The following SNRNP200 variants were observed in gnomAD, a reference collection of about 807,000 sequenced individuals.
SNRNP200 encodes the protein U5 small nuclear ribonucleoprotein 200 kDa helicase.
SNRNP200 carries 66 observed loss-of-function variants against 255.2 expected under a neutral mutation model. The ratio of observed to expected loss-of-function variants is 0.26; its 90% CI spans 0.21 to 0.32. The LOEUF is 0.32. SNRNP200 is among the 10% of genes least tolerant of loss of function. The pLI is 1.00. For synonymous variants in SNRNP200, 939 were observed against 1,027.8 expected (o/e 0.91, Z 1.65); for missense variants, 1,585 against 2,749.8 (o/e 0.58, Z 9.47).
intron 9 of SNRNP200, among the ~76,000 whole-genome samples, 174 bp from the exon 10 acceptor site, chr2:96,297,894 C>T (rs1207030926): frequency 6.6e-6 from 1 of 152,228 alleles, no homozygotes; most frequent in East Asian, 1.9e-4. Flanking sequence ...CAAACAAACA[C>T]TTTTAAAGGG....
rs371511825 is a variant in SNRNP200 at position 96,286,425 on chromosome 2, G to T, written c.3889C>A (p.Pro1297Thr). 9 of 1,614,182 alleles carry T rather than the reference G, an allele frequency of 5.6e-6. No individual in the cohort carries two copies. The highest frequency in any genetic ancestry group is 1.6e-4 in the Middle Eastern group (1 of 6,062). The change falls in exon 29 of 45, where the codon CCT becomes ACT. Residue 1297 changes from proline (P) to threonine (T), a missense_variant. Pro to Thr is a conservative substitution (Grantham distance 38). Around this residue, in one of 9 missense-constraint regions of SNRNP200, gnomAD observed 719 missense variants for 1,091.1 expected, o/e 0.66. Transcript: ENST00000323853. This position sits in a 1 kb window ranked among gnomAD's most constrained non-coding sequence, Gnocchi z 4.8. ...RHLILPEKYP[P>T]PTELLDLQPL... ...TGCAGGTCCAAAAGTTCGGTTGGAG[G>T]GGGGTACTTCTCCGGCAAGATCAGG... is the stretch of plus-strand genomic sequence containing the variant.
chr2:96,277,317 T>C lies in SNRNP200; in HGVS notation c.5932-76A>G. ...AATGACACAGGCAGCAAAGAGCTACTAATTTTACCTCCTACACTATCAAGT... is the reference window on the plus strand; with the variant it reads ...AATGACACAGGCAGCAAAGAGCTACCAATTTTACCTCCTACACTATCAAGT... On this transcript the variant is annotated intron_variant, in intron 41 of 44. Coordinates refer to ENST00000323853, the MANE Select transcript of SNRNP200 (RefSeq NM_014014.5). This position sits in a 1 kb window ranked among gnomAD's most constrained non-coding sequence, Gnocchi z 4.4. 1 of 1,489,312 alleles carries C rather than the reference T, an allele frequency of 6.7e-7. No individual in the cohort carries two copies. The highest frequency in any genetic ancestry group is 9.4e-7 in the Non-Finnish European group (1 of 1,067,442). 92.3% of individuals were successfully genotyped at this position (1,489,312 alleles called of 1,614,324 possible). A position where few individuals can be genotyped will look rare whatever the true frequency, so the allele number is the denominator to read the frequency against.
chr2:96,304,938 A>G, intron 1 of SNRNP200, 70 bp from the exon 2 acceptor site: 1 of 1,549,502 alleles, frequency 6.5e-7, no homozygotes, highest in Non-Finnish European at 8.8e-7. Flanking sequence ...TAGTTACCCC[A>G]GCTGATGGAA....
At chr2:96,295,769 G>A in intron 13 of SNRNP200, 111 bp from the exon 14 acceptor site, 1 of 1,098,804 alleles carries the variant, frequency 9.1e-7, no homozygotes, top group Non-Finnish European at 1.3e-6. Context: ...CAACCCATCA[G>A]GTGAATACAA....
chr2:96,287,114 A>G lies in SNRNP200; in HGVS notation c.3531T>C (p.Tyr1177=), dbSNP rs780756566. 8.7e-6 allele frequency: 14 copies of G among 1,614,148 alleles called. No homozygotes were observed. Among genetic ancestry groups the G allele is most frequent in the South Asian group, 6.6e-5 (6 of 91,090 alleles). Residue 1177 remains tyrosine (Y), a synonymous_variant, in exon 27 of 45, where the codon TAT becomes TAC. Transcript: ENST00000323853. This position sits in a 1 kb window ranked among gnomAD's most constrained non-coding sequence, Gnocchi z 5.7. The stretch of plus-strand genomic sequence containing the variant: ...ACTCCAACTTGGGAAACAGATGGAC[A>G]TATTTGTGGATGGTCTTCCCCATCT... The part of the protein sequence containing the change: ...MPKMGKTIHK[Y]VHLFPKLELS...
chr2:96,300,410 T>C lies in SNRNP200; in HGVS notation c.630+588A>G, dbSNP rs550136873. Reference sequence around the variant, plus strand: ...AGCAGATACATTCTCAATGAAAGTATACACTGTACTTTAACTTTTTTCTTT... The same window carrying C: ...AGCAGATACATTCTCAATGAAAGTACACACTGTACTTTAACTTTTTTCTTT... On this transcript the variant is annotated intron_variant, in intron 5 of 44. Coordinates refer to ENST00000323853, the MANE Select transcript of SNRNP200 (RefSeq NM_014014.5). 1.1e-4 allele frequency among the ~76,000 whole-genome samples: 16 copies of C among 152,326 alleles called. 1 individual carries two copies. In the South Asian group the frequency reaches 3.1e-3, roughly 30 times the overall value.
rs767137919 is a variant in SNRNP200 at position 96,291,089 on chromosome 2, C to A, written c.2422-274G>T. 2.6e-5 allele frequency among the ~76,000 whole-genome samples: 4 copies of A among 152,106 alleles called. No homozygotes were observed. The highest frequency in any genetic ancestry group is 4.4e-5 in the Non-Finnish European group (3 of 68,020). The stretch of plus-strand genomic sequence containing the variant: ...AGTTACTAGAAAAGGTAAAACAGAG[C>A]CTATCCGGAAAGAGGGAACGACAAG... On this transcript the variant is annotated intron_variant, in intron 18 of 44. Transcript: ENST00000323853. The surrounding 1 kb of genome is among the most constrained non-coding windows in gnomAD (Gnocchi z 4.2).
intron 14 of SNRNP200, among the ~76,000 whole-genome samples, chr2:96,294,526 G>A (rs1300710779): frequency 2.0e-5 from 3 of 152,004 alleles, no homozygotes; most frequent in Non-Finnish European, 4.4e-5. Flanking sequence ...GCAGCCAAAA[G>A]CAGCTGTAAA....
intron 35 of SNRNP200, 90 bp from the exon 36 acceptor site, chr2:96,279,649 A>T: frequency 1.3e-6 from 1 of 774,288 alleles, no homozygotes; most frequent in Non-Finnish European, 2.2e-6. Flanking sequence ...AGTAAGAGTA[A>T]AATGTTAATA....
Position 96,290,633 on chromosome 2 carries a change from T to C in SNRNP200, c.2553+51A>G, listed in dbSNP as rs761724736. 1.2e-6 allele frequency: 2 copies of C among 1,613,396 alleles called. No homozygotes were observed. Among genetic ancestry groups the C allele is most frequent in the Non-Finnish European group, 1.7e-6 (2 of 1,179,344 alleles). On this transcript the variant is annotated intron_variant, in intron 19 of 44. Coordinates refer to ENST00000323853, the MANE Select transcript of SNRNP200 (RefSeq NM_014014.5). This position sits in a 1 kb window ranked among gnomAD's most constrained non-coding sequence, Gnocchi z 4.5. ...GCTAGCTTTCCAGCATCCCTGCATT[T>C]CAGGCAAGGATACTGATCCCTGCTG...
chr2:96,289,990 C>A lies in SNRNP200; in HGVS notation c.2749G>T (p.Val917Leu), dbSNP rs2063874357. 2 of 1,614,158 alleles carry A rather than the reference C, an allele frequency of 1.2e-6. No individual in the cohort carries two copies. Among genetic ancestry groups the A allele is most frequent in the Non-Finnish European group, 1.7e-6 (2 of 1,180,016 alleles). Reference protein sequence around the residue: ...LGNVQNAKDAVNWLGYAYLYI... With the variant: ...LGNVQNAKDALNWLGYAYLYI... ...AGGTAGGCATAGCCCAGCCAGTTCA[C>A]CGCATCCTACAAGACACAGCTCATG... Residue 917 changes from valine to leucine, a missense_variant, in exon 21 of 45, where the codon GTG (valine) becomes TTG (leucine). Transcript: ENST00000323853.
At position 96,291,600 on chromosome 2, in the gene SNRNP200, T is replaced by C. The variant is rs1403403461; in HGVS notation, c.2311-98A>G. ...CCATGAGACCCTGCCCCTTAACTAT[T>C]ATGTGGAATAGTAATAATCACATCC... On this transcript the variant is annotated intron_variant, in intron 17 of 44. Transcript: ENST00000323853. The surrounding 1 kb of genome is among the most constrained non-coding windows in gnomAD (Gnocchi z 4.2). The C allele has an allele frequency of 3.2e-6, 4 of 1,236,318 alleles. No homozygotes were observed. The highest frequency in any genetic ancestry group is 4.8e-6 in the Non-Finnish European group (4 of 840,310). 76.6% of individuals were successfully genotyped at this position (1,236,318 alleles called of 1,614,324 possible). A position where few individuals can be genotyped will look rare whatever the true frequency, so the allele number is the denominator to read the frequency against.
chr2:96,275,660 T>G (rs1313634322), intron 43 of SNRNP200, among the ~76,000 whole-genome samples: 1 of 152,156 alleles, frequency 6.6e-6, no homozygotes, highest in Non-Finnish European at 1.5e-5. Flanking sequence ...GCCTAGGAGC[T>G]TTGAGTTCCT....
intron 2 of SNRNP200, among the ~76,000 whole-genome samples, chr2:96,303,782 CA>C (rs2063969429): frequency 6.6e-6 from 1 of 151,376 alleles, no homozygotes; most frequent in South Asian, 2.1e-4. Flanking sequence ...CCCAGCTACT[CA>C]GGAGGCTGAG....
At position 96,290,235 on chromosome 2, in the gene SNRNP200, G is replaced by T; in HGVS notation, c.2742+91C>A. On this transcript the variant is annotated intron_variant, in intron 20 of 44. Coordinates refer to ENST00000323853, the MANE Select transcript of SNRNP200 (RefSeq NM_014014.5). This position sits in a 1 kb window ranked among gnomAD's most constrained non-coding sequence, Gnocchi z 4.5. ...GCAGGGATGGAAGGCCTCGGACGCT[G>T]CTGGCCCGCAGCACAATAGGGACCG... 1 of 1,405,790 alleles carries T rather than the reference G, an allele frequency of 7.1e-7. No homozygotes were observed. Among genetic ancestry groups the T allele is most frequent in the Non-Finnish European group, 1.0e-6 (1 of 992,354 alleles). The allele number at this position is 1,405,790 out of a possible 1,614,324, so 87.1% of individuals were successfully genotyped here. A position where few individuals can be genotyped will look rare whatever the true frequency, so the allele number is the denominator to read the frequency against.
chr2:96,286,651 G>A lies in SNRNP200; in HGVS notation c.3829+37C>T, dbSNP rs751615210. 6.2e-7 allele frequency: 1 copy of A among 1,608,844 alleles called. No individual in the cohort carries two copies. The highest frequency in any genetic ancestry group is 1.7e-5 in the Admixed American group (1 of 59,992). ...AGACATTCTTCTACTGTCCTTGGAG[G>A]GACTGTTCCTGGGGACTCTGGAGAG... On this transcript the variant is annotated intron_variant, in intron 28 of 44. Transcript: ENST00000323853. The surrounding 1 kb of genome is among the most constrained non-coding windows in gnomAD (Gnocchi z 4.8).
chr2:96,277,343 C>T lies in SNRNP200; in HGVS notation c.5932-102G>A. The T allele has an allele frequency of 7.3e-7, 1 of 1,369,032 alleles. No individual in the cohort carries two copies. The allele number at this position is 1,369,032 out of a possible 1,614,324, so 84.8% of individuals were successfully genotyped here. On this transcript the variant is annotated intron_variant, in intron 41 of 44. Transcript: ENST00000323853. This position sits in a 1 kb window ranked among gnomAD's most constrained non-coding sequence, Gnocchi z 4.4. Reference sequence around the variant, plus strand: ...AATTTTACCTCCTACACTATCAAGTCATCTAGATAAAACAGCTGCAGAAAG... The same window carrying T: ...AATTTTACCTCCTACACTATCAAGTTATCTAGATAAAACAGCTGCAGAAAG...
chr2:96,296,695 C>A lies in SNRNP200; in HGVS notation c.1516-4G>T, dbSNP rs375828270. 6.2e-7 allele frequency: 1 copy of A among 1,614,014 alleles called. No homozygotes were observed. The highest frequency in any genetic ancestry group is 8.5e-7 in the Non-Finnish European group (1 of 1,179,994). On this transcript the variant is annotated splice_polypyrimidine_tract_variant and splice_region_variant and intron_variant, in intron 12 of 44. Coordinates refer to ENST00000323853, the MANE Select transcript of SNRNP200 (RefSeq NM_014014.5). ...CCACGTTGGTCTTCCCAGCACCCTA[C>A]GGGAGAGGTCAGGGATGAGAACGCC...
intron 34 of SNRNP200, chr2:96,282,836 G>C: frequency 2.9e-6 from 1 of 348,300 alleles, no homozygotes; most frequent in Non-Finnish European, 5.5e-6. Context: ...CTTTATAAAT[G>C]ACCCAGTATC....
Sources: gnomAD v4.1 joint callset for allele counts (sites outside exome capture counted in the v4.1 genomes callset) on GRCh38, gnomAD v4.1.1 for gene constraint, gnomAD v4.1.1 regional missense constraint, Gnocchi (gnomAD v3.1) non-coding constraint, MANE v1.5 for transcripts, NCBI Gene and HGNC (gene_info 2026-07-23, HGNC 2026-07-21) for gene names.